FAM227B: variants seen among roughly 807,000 people sequenced by gnomAD.
FAM227B encodes the protein protein FAM227B.
In FAM227B, 88 loss-of-function variants were observed where a neutral mutation model predicts 73.8. The ratio of observed to expected loss-of-function variants is 1.19; its 90% CI spans 1.00 to 1.42. The LOEUF (loss-of-function observed/expected upper bound fraction) is 1.42. Among genes scored for constraint, FAM227B ranks in the 40% most tolerant of loss-of-function variants. The pLI is 0.00. For missense variants in FAM227B, 632 were observed against 590.9 expected, an observed-to-expected ratio of 1.07 and a Z score of -0.72; for synonymous variants, 210 against 190.5, an observed-to-expected ratio of 1.10 and a Z score of -0.84.
In FAM227B at chr15:49,540,285, G is replaced by T. The variant is rs567641896; in HGVS notation, c.874+1395C>A. 1.7e-4 allele frequency among the ~76,000 whole-genome samples: 26 copies of T among 152,282 alleles called. No individual in the cohort carries two copies. In the South Asian group the frequency reaches 5.2e-3, roughly 30 times the overall value. On this transcript the variant is annotated intron_variant, in intron 10 of 15. Coordinates refer to ENST00000299338, the MANE Select transcript of FAM227B (RefSeq NM_152647.3). ...GGATCCTTTGCAGAGCAGGCCACTG[G>T]AGACCAGAGTGGTACCTGCCTCATG...
At chr15:49,503,223 T>C (rs571096147) in intron 11 of FAM227B, among the ~76,000 whole-genome samples, 3 of 152,302 alleles carry the variant, frequency 2.0e-5, no homozygotes, top group South Asian at 2.1e-4. Flanking sequence ...GCTAGCCATA[T>C]GTAGAAAGCT....
At chr15:49,418,073 C>T (rs2049339105) in intron 11 of FAM227B, among the ~76,000 whole-genome samples, 1 of 152,140 alleles carries the variant, frequency 6.6e-6, no homozygotes, top group Non-Finnish European at 1.5e-5. Context: ...ATGCTCAATA[C>T]TGCTAATCAT....
intron 11 of FAM227B, chr15:49,422,506 T>C (rs1255598544): frequency 2.3e-5 from 29 of 1,279,120 alleles, no homozygotes; most frequent in Non-Finnish European, 2.8e-5. Flanking sequence ...GAATAACAGC[T>C]TTTAAAAGTA....
chr15:49,602,507 G>A (rs1029528095), intron 3 of FAM227B, among the ~76,000 whole-genome samples: 6 of 152,090 alleles, frequency 3.9e-5, no homozygotes, highest in African/African-American at 1.4e-4. Flanking sequence ...TTTTCCTATA[G>A]AGTTGCTTAA....
At chr15:49,494,419 AG>A (rs2057417894) in intron 11 of FAM227B, among the ~76,000 whole-genome samples, 1 of 152,132 alleles carries the variant, frequency 6.6e-6, no homozygotes, top group Non-Finnish European at 1.5e-5. Context: ...GTGTTTAACA[AG>A]GTCCAGTATT....
At chr15:49,431,775 A>T (rs964171130) in intron 11 of FAM227B, among the ~76,000 whole-genome samples, 2 of 151,820 alleles carry the variant, frequency 1.3e-5, no homozygotes, top group African/African-American at 2.4e-5. Context: ...TCTTCTGTAA[A>T]CTTAAAATGA....
intron 11 of FAM227B, among the ~76,000 whole-genome samples, chr15:49,412,548 T>A (rs2048940295): frequency 6.6e-6 from 1 of 152,044 alleles, no homozygotes; most frequent in Non-Finnish European, 1.5e-5. Flanking sequence ...GAACACGAAG[T>A]ACATTGACTT....
chr15:49,335,378 A>AGTATT, intron 14 of FAM227B, 41 bp downstream of exon 14: 1 of 1,317,274 alleles, frequency 7.6e-7, no homozygotes, highest in African/African-American at 1.5e-5. Flanking sequence ...GTTCTAAAAA[A>AGTATT]GTATTATTTT....
chr15:49,565,622 A>G (rs1191777921), intron 9 of FAM227B, among the ~76,000 whole-genome samples: 2 of 152,330 alleles, frequency 1.3e-5, no homozygotes, highest in African/African-American at 4.8e-5. Context: ...AAAGTCTCTT[A>G]CAAGTCATTG....
chr15:49,543,502 A>G (rs555238007), intron 9 of FAM227B, among the ~76,000 whole-genome samples: 1 of 152,242 alleles, frequency 6.6e-6, no homozygotes, highest in South Asian at 2.1e-4. Context: ...GAAGCTTTTT[A>G]GTTTAATTAA....
chr15:49,590,045 AT>A, intron 3 of FAM227B, 38 bp from the exon 4 acceptor site: 1 of 1,033,426 alleles, frequency 9.7e-7, no homozygotes, highest in East Asian at 2.4e-5. Flanking sequence ...AGCTTAAGTC[AT>A]TTTTAATGAA....
At chr15:49,579,799 A>T (rs2075697663) in intron 5 of FAM227B, among the ~76,000 whole-genome samples, 1 of 152,218 alleles carries the variant, frequency 6.6e-6, no homozygotes, top group African/African-American at 2.4e-5. Context: ...AGAATATTTG[A>T]AATGTTCCTG....
intron 13 of FAM227B, among the ~76,000 whole-genome samples, chr15:49,348,502 G>C (rs1437725787): frequency 4.6e-5 from 7 of 152,128 alleles, no homozygotes; most frequent in Admixed American, 4.6e-4. Flanking sequence ...CAATAAACAG[G>C]ACTTTAGCTC....
At chr15:49,413,400 T>C (rs912287096) in intron 11 of FAM227B, among the ~76,000 whole-genome samples, 1 of 152,134 alleles carries the variant, frequency 6.6e-6, no homozygotes, top group Non-Finnish European at 1.5e-5. Flanking sequence ...TCCCCAACCA[T>C]GTGGAACTGT....
At chr15:49,489,879 TATATAGAGAGAGAGAG>T (rs1309291427) in intron 11 of FAM227B, among the ~76,000 whole-genome samples, 1 of 18,480 alleles carries the variant, frequency 5.4e-5, no homozygotes, top group African/African-American at 1.3e-4. Context: ...TATATATATA[TATATAGAGAGAGAGAG>T]AGAGAGAGAG....
intron 13 of FAM227B, chr15:49,353,354 G>A (rs2042530190): frequency 6.6e-6 from 1 of 152,036 alleles, no homozygotes; most frequent in Non-Finnish European, 1.5e-5. Flanking sequence ...CGCCTGTTTG[G>A]GATCACACTG....
chr15:49,521,730 G>C lies in FAM227B; in HGVS notation c.875-13382C>G, dbSNP rs559920414. Among the ~76,000 whole-genome samples, 6 of 152,226 alleles carry C rather than the reference G, an allele frequency of 3.9e-5. 1 individual carries two copies. In the South Asian group the frequency reaches 1.2e-3, roughly 32 times the overall value. The stretch of plus-strand genomic sequence containing the variant: ...CAGATGGGTGTTTTCCATGGACCTA[G>C]TCACATCGTGGTCTCCAGATAAAGA... On this transcript the variant is annotated intron_variant, in intron 10 of 15. Coordinates refer to ENST00000299338, the MANE Select transcript of FAM227B (RefSeq NM_152647.3).
At chr15:49,459,720 C>A (rs1175141658) in intron 11 of FAM227B, among the ~76,000 whole-genome samples, 1 of 152,098 alleles carries the variant, frequency 6.6e-6, no homozygotes, top group Non-Finnish European at 1.5e-5. Flanking sequence ...GGGGCCAAAA[C>A]CAGGCTATAG....
chr15:49,433,649 G>C (rs1368842838), intron 11 of FAM227B, among the ~76,000 whole-genome samples: 1 of 151,516 alleles, frequency 6.6e-6, no homozygotes, highest in Non-Finnish European at 1.5e-5. Context: ...TCAAGGAACT[G>C]GTGGAAAATT....
Sources: allele counts gnomAD v4.1 joint callset (sites outside exome capture counted in the v4.1 genomes callset), GRCh38; gene constraint gnomAD v4.1.1; transcripts MANE v1.5; gene names NCBI Gene and HGNC (gene_info 2026-07-23, HGNC 2026-07-21).